The following PARD3B variants were observed in gnomAD, a reference collection of about 807,000 sequenced individuals.
PARD3B encodes the protein partitioning defective 3 homolog B.
Under a neutral mutation model 130.2 loss-of-function variants are expected in PARD3B, and 103 were observed. That is an observed-to-expected ratio of 0.79 (90% CI 0.67 to 0.93). The LOEUF is 0.93. Ranked by LOEUF, PARD3B falls within the 40% of genes least tolerant of loss-of-function variation. The pLI is 0.00. For missense variants in PARD3B, 1,609 were observed against 1,499.2 expected, an observed-to-expected ratio of 1.07 and a Z score of -1.21; for synonymous variants, 583 against 553.2, an observed-to-expected ratio of 1.05 and a Z score of -0.76.
chr2:205,394,769 A>C (rs1188938270), intron 18 of PARD3B, among the ~76,000 whole-genome samples: 1 of 152,244 alleles, frequency 6.6e-6, no homozygotes, highest in Non-Finnish European at 1.5e-5. Context: ...GATCCCACTT[A>C]TATGAATTTC....
intron 15 of PARD3B, among the ~76,000 whole-genome samples, chr2:205,238,886 GTATATA>G (rs372313084): frequency 0.059 from 5,399 of 91,792 alleles, 333 homozygotes; most frequent in East Asian, 0.29. Flanking sequence ...ATGTATGTGT[GTATATA>G]TATATATATA....
intron 15 of PARD3B, among the ~76,000 whole-genome samples, chr2:205,222,266 T>C (rs1402410675): frequency 2.0e-5 from 3 of 152,034 alleles, no homozygotes; most frequent in African/African-American, 4.8e-5. Context: ...AGTAGAAATA[T>C]GTAGTTCTTT....
intron 2 of PARD3B, among the ~76,000 whole-genome samples, chr2:204,801,358 T>C (rs2042561544): frequency 6.6e-6 from 1 of 152,196 alleles, no homozygotes; most frequent in Non-Finnish European, 1.5e-5. Flanking sequence ...ATGGAATGTT[T>C]TTCCATTTAC....
chr2:204,992,554 G>A lies in PARD3B; in HGVS notation c.394+27231G>A, dbSNP rs1218025763. The stretch of plus-strand genomic sequence containing the variant: ...TCTTTTGGCTTAGGATTGCCTTGGC[G>A]ATGCGGGCTCTTTTTTGGTTCCATA... On this transcript the variant is annotated intron_variant, in intron 3 of 22. Transcript: ENST00000406610. Among the ~76,000 whole-genome samples the A allele has an allele frequency of 4.1e-3, 594 of 145,428 alleles. 4 individuals are homozygous for A. The highest frequency in any genetic ancestry group is 0.012 in the African/African-American group (480 of 39,156).
intron 2 of PARD3B, among the ~76,000 whole-genome samples, chr2:204,913,648 C>T (rs1405598175): frequency 1.3e-5 from 2 of 152,116 alleles, no homozygotes. Context: ...TGACAAAAAG[C>T]AATACCTTGT....
chr2:205,302,406 G>A (rs1211195280), intron 18 of PARD3B, among the ~76,000 whole-genome samples: 2 of 152,098 alleles, frequency 1.3e-5, no homozygotes, highest in South Asian at 2.1e-4. Context: ...GTGCATACCT[G>A]TAATCCCAAG....
intron 20 of PARD3B, among the ~76,000 whole-genome samples, chr2:205,498,471 C>T (rs922640249): frequency 5.9e-5 from 9 of 151,704 alleles, no homozygotes; most frequent in Non-Finnish European, 8.8e-5. Context: ...CATAGCACTC[C>T]AGCCTGGGCT....
At chr2:204,827,187 T>A (rs1393097361) in intron 2 of PARD3B, among the ~76,000 whole-genome samples, 1 of 152,222 alleles carries the variant, frequency 6.6e-6, no homozygotes, top group Non-Finnish European at 1.5e-5. Context: ...CAACAATCCA[T>A]ATTAACAGTT....
intron 2 of PARD3B, among the ~76,000 whole-genome samples, chr2:204,837,614 G>A (rs928937820): frequency 6.6e-6 from 1 of 151,888 alleles, no homozygotes; most frequent in Non-Finnish European, 1.5e-5. Flanking sequence ...CTTTCCCTGA[G>A]TGTATACATC....
intron 9 of PARD3B, among the ~76,000 whole-genome samples, chr2:205,124,890 C>T (rs926201956): frequency 1.1e-4 from 17 of 152,202 alleles, no homozygotes; most frequent in Admixed American, 1.0e-3. Context: ...ATATCCCTAT[C>T]ATCTGTGCTA....
In PARD3B at chr2:204,605,949, T is replaced by C. The variant is rs565256276; in HGVS notation, c.120+59830T>C. On this transcript the variant is annotated intron_variant, in intron 1 of 22. Coordinates refer to ENST00000406610, the MANE Select transcript of PARD3B (RefSeq NM_001302769.2). ...TGCTGCCTCACCCAGTTGTCTTCTG[T>C]GCTGTCTGCCTGTTTTCTGTCTTTC... Among the ~76,000 whole-genome samples, 29 of 152,310 alleles carry C rather than the reference T, an allele frequency of 1.9e-4. 1 individual carries two copies. Among genetic ancestry groups the C allele is most frequent in the African/African-American group, 7.0e-4 (29 of 41,580 alleles).
At chr2:205,204,400 G>T (rs949120224) in intron 15 of PARD3B, among the ~76,000 whole-genome samples, 1 of 152,128 alleles carries the variant, frequency 6.6e-6, no homozygotes, top group African/African-American at 2.4e-5. Context: ...TCTGTAGGTT[G>T]CCTGTTCACT....
Position 205,245,804 on chromosome 2 carries a change from T to A in PARD3B, c.2167T>A (p.Leu723Met). 1.2e-6 allele frequency: 2 copies of A among 1,601,292 alleles called. No homozygotes were observed. The highest frequency in any genetic ancestry group is 1.7e-6 in the Non-Finnish European group (2 of 1,168,686). ...LVPDESKVHS[L>M]AGQKSESPSK... ...GCCAGATGAAAGCAAGGTTCACTCATTGGCTGGACAAAAATCGGGTAAGAA... is the reference window on the plus strand; with the variant it reads ...GCCAGATGAAAGCAAGGTTCACTCAATGGCTGGACAAAAATCGGGTAAGAA... Residue 723 changes from leucine (L) to methionine (M), a missense_variant, in exon 16 of 23, where the codon TTG becomes ATG. Leu to Met is a conservative substitution (Grantham distance 15, BLOSUM62 2). Coordinates refer to ENST00000406610, the MANE Select transcript of PARD3B (RefSeq NM_001302769.2).
In PARD3B at chr2:205,619,606, AGAG is replaced by A. The variant is rs2105816911; in HGVS notation, c.*3797_*3799del. 6.6e-6 allele frequency: 1 copy of A among 152,346 alleles called. No homozygotes were observed. Among genetic ancestry groups the A allele is most frequent in the African/African-American group, 2.4e-5 (1 of 41,578 alleles). The allele number at this position is 152,346 out of a possible 1,614,324, so 9.4% of individuals were successfully genotyped here. The stretch of plus-strand genomic sequence containing the variant: ...AAACGATGCCACAGCGAGACCAGAA[AGAG>A]GAGTCGCCTTAAGGTATCCCTACAA... On this transcript the variant is annotated 3_prime_UTR_variant, in exon 23 of 23. Coordinates refer to ENST00000406610, the MANE Select transcript of PARD3B (RefSeq NM_001302769.2).
intron 3 of PARD3B, among the ~76,000 whole-genome samples, chr2:204,990,585 T>C (rs1012417576): frequency 6.6e-6 from 1 of 152,086 alleles, no homozygotes; most frequent in Admixed American, 6.6e-5. Context: ...TCACAGGAAT[T>C]ATTTACATAT....
At position 205,523,135 on chromosome 2, in the gene PARD3B, T is replaced by C. The variant is rs149790510; in HGVS notation, c.3180+23104T>C. ...TATCTGTTATGATAACTGGGATTCT[T>C]GTCCTTTCTGTCATCTTGTTTTAGG... On this transcript the variant is annotated intron_variant, in intron 21 of 22. Coordinates refer to ENST00000406610, the MANE Select transcript of PARD3B (RefSeq NM_001302769.2). Among the ~76,000 whole-genome samples the C allele has an allele frequency of 7.7e-3, 1,168 of 151,376 alleles. 5 individuals carry two copies. The highest frequency in any genetic ancestry group is 0.013 in the Admixed American group (190 of 15,186).
At chr2:205,190,280 A>G (rs2036322832) in intron 14 of PARD3B, among the ~76,000 whole-genome samples, 1 of 152,196 alleles carries the variant, frequency 6.6e-6, no homozygotes, top group South Asian at 2.1e-4. Context: ...AGGTTCACCA[A>G]CACATTGTTC....
Position 205,463,557 on chromosome 2 carries a change from A to G in PARD3B, c.3044+22885A>G, listed in dbSNP as rs961714195. On this transcript the variant is annotated intron_variant, in intron 20 of 22. Transcript: ENST00000406610. The surrounding 1 kb of genome is among the most constrained non-coding windows in gnomAD (Gnocchi z 4.8). ...AGCTCTGAGAACGGGGAGAGAGATC[A>G]TTACACTTCTGCTCATGGTTAGCTA... Among the ~76,000 whole-genome samples, 4 of 152,192 alleles carry G rather than the reference A, an allele frequency of 2.6e-5. No homozygotes were observed. The highest frequency in any genetic ancestry group is 2.6e-4 in the Admixed American group (4 of 15,282).
chr2:204,874,056 T>G (rs2045742978), intron 2 of PARD3B, among the ~76,000 whole-genome samples: 1 of 152,088 alleles, frequency 6.6e-6, no homozygotes, highest in Non-Finnish European at 1.5e-5. Flanking sequence ...GGCAGGAGAA[T>G]TGCTTAAACC....
Sources: allele counts gnomAD v4.1 joint callset (sites outside exome capture counted in the v4.1 genomes callset), GRCh38; gene constraint gnomAD v4.1.1; non-coding constraint Gnocchi (gnomAD v3.1); transcripts MANE v1.5; gene names NCBI Gene and HGNC (gene_info 2026-07-23, HGNC 2026-07-21).